Variants in SH3GL2 observed in about 807,000 individuals in gnomAD.
SH3GL2 encodes SH3 domain containing GRB2 like 2, endophilin A1.
SH3GL2 carries 24 observed loss-of-function variants against 46.0 expected under a neutral mutation model. The ratio of observed to expected loss-of-function variants is 0.52; its 90% CI spans 0.38 to 0.73. SH3GL2 has a LOEUF of 0.73. Ranked by LOEUF, SH3GL2 falls within the 30% of genes least tolerant of loss-of-function variation. The pLI, the probability that SH3GL2 is intolerant of heterozygous loss-of-function variation, is 0.00. For missense variants in SH3GL2, 413 were observed against 424.2 expected (o/e 0.97, Z 0.23); for synonymous variants, 196 against 147.1 (o/e 1.33, Z -2.40).
chr9:17,659,613 C>G (rs571669893), intron 1 of SH3GL2, among the ~76,000 whole-genome samples: 3 of 152,144 alleles, frequency 2.0e-5, no homozygotes, highest in Admixed American at 6.5e-5. Context: ...CTTACACGCT[C>G]TCTGGAATTT....
chr9:17,639,257 GGGGAACAA>G (rs1819616475), intron 1 of SH3GL2, among the ~76,000 whole-genome samples: 2 of 152,104 alleles, frequency 1.3e-5, no homozygotes, highest in South Asian at 4.2e-4. Context: ...GATAGATCTG[GGGGAACAA>G]GGCAAGTCAT....
intron 1 of SH3GL2, among the ~76,000 whole-genome samples, chr9:17,608,231 TCTGCCTCCCAGGTTCACGCCATTCTC>T (rs1818796094): frequency 7.0e-6 from 1 of 141,864 alleles, no homozygotes; most frequent in Non-Finnish European, 1.5e-5. Flanking sequence ...CACTGCAAGC[TCTGCCTCCCAGGTTCACGCCATTCTC>T]CTGCCTCAGC....
intron 1 of SH3GL2, among the ~76,000 whole-genome samples, chr9:17,670,136 A>C (rs1402122448): frequency 6.6e-6 from 1 of 151,992 alleles, no homozygotes; most frequent in East Asian, 1.9e-4. Flanking sequence ...CATGTTGCTT[A>C]TTTCTTTCTT....
At chr9:17,613,810 A>T (rs1563781842) in intron 1 of SH3GL2, among the ~76,000 whole-genome samples, 1 of 152,184 alleles carries the variant, frequency 6.6e-6, no homozygotes, top group Non-Finnish European at 1.5e-5. Context: ...ACATTTGGAA[A>T]TTCTTATTCT....
chr9:17,648,869 C>T (rs1384540929), intron 1 of SH3GL2, among the ~76,000 whole-genome samples: 3 of 152,114 alleles, frequency 2.0e-5, no homozygotes, highest in African/African-American at 4.8e-5. Flanking sequence ...AACCTAGAAA[C>T]AAAGTTCTGT....
At chr9:17,667,517 T>C (rs1820376953) in intron 1 of SH3GL2, among the ~76,000 whole-genome samples, 1 of 152,218 alleles carries the variant, frequency 6.6e-6, no homozygotes, top group Non-Finnish European at 1.5e-5. Flanking sequence ...CAACATTTGT[T>C]TTTATGGCAG....
At chr9:17,773,513 C>A (rs1823552725) in intron 3 of SH3GL2, among the ~76,000 whole-genome samples, 1 of 152,030 alleles carries the variant, frequency 6.6e-6, no homozygotes, top group South Asian at 2.1e-4. Context: ...GGTCCAAATT[C>A]ATTTTTTTGC....
rs1049430 is a variant in SH3GL2 at position 17,796,670 on chromosome 9, T to G, written c.*927T>G. On this transcript the variant is annotated 3_prime_UTR_variant, in exon 9 of 9. Transcript: ENST00000380607. ...GTAACCATCTTTCCACTAGTTCATA[T>G]ACTGAGAAACAGTAAATACCTTTCC... The G allele has an allele frequency of 0.62, 94,355 of 152,522 alleles. 29,764 individuals carry two copies. Among genetic ancestry groups the G allele is most frequent in the East Asian group, 0.88 (4,542 of 5,184 alleles). 9.4% of individuals were successfully genotyped at this position (152,522 alleles called of 1,614,324 possible). A position where few individuals can be genotyped will look rare whatever the true frequency, so the allele number is the denominator to read the frequency against.
At chr9:17,662,413 G>A (rs10963190) in intron 1 of SH3GL2, among the ~76,000 whole-genome samples, 41,538 of 152,062 alleles carry the variant, frequency 0.27, 6,855 homozygotes, top group East Asian at 0.5. Context: ...GATTTCCCAT[G>A]AATTCAGTAG....
At chr9:17,734,787 A>T (rs1039775208) in intron 1 of SH3GL2, among the ~76,000 whole-genome samples, 1 of 152,228 alleles carries the variant, frequency 6.6e-6, no homozygotes, top group East Asian at 1.9e-4. Flanking sequence ...GTGGTTACCA[A>T]GGTTGGAATG....
chr9:17,716,081 T>C (rs1221682763), intron 1 of SH3GL2, among the ~76,000 whole-genome samples: 1 of 152,070 alleles, frequency 6.6e-6, no homozygotes, highest in Non-Finnish European at 1.5e-5. Context: ...TGTATGTATA[T>C]ATTCTACATC....
chr9:17,650,307 G>A (rs978406946), intron 1 of SH3GL2, among the ~76,000 whole-genome samples: 3 of 152,174 alleles, frequency 2.0e-5, no homozygotes, highest in Admixed American at 6.5e-5. Flanking sequence ...TCTTTCTCAA[G>A]CCTTAATAAT....
chr9:17,747,827 C>G (rs1307427598), intron 2 of SH3GL2, among the ~76,000 whole-genome samples: 1 of 152,010 alleles, frequency 6.6e-6, no homozygotes, highest in Non-Finnish European at 1.5e-5. Context: ...GCACGCACCA[C>G]CACGTCTGGC....
intron 1 of SH3GL2, among the ~76,000 whole-genome samples, chr9:17,721,954 G>A (rs916127096): frequency 3.3e-5 from 5 of 152,086 alleles, no homozygotes; most frequent in East Asian, 1.9e-4. Context: ...GGAGGTGTCC[G>A]CAGTGAGGTG....
chr9:17,588,237 T>C (rs1397736314), intron 1 of SH3GL2, among the ~76,000 whole-genome samples: 2 of 152,036 alleles, frequency 1.3e-5, no homozygotes, highest in African/African-American at 4.8e-5. Flanking sequence ...TGGGAGATGT[T>C]CATAAGCCAG....
Position 17,666,578 on chromosome 9 carries a change from G to GTGTGTATA in SH3GL2, c.46-80487_46-80486insGTGTATAT, listed in dbSNP as rs144961549. Among the ~76,000 whole-genome samples the GTGTGTATA allele has an allele frequency of 6.7e-3, 999 of 148,212 alleles. 8 individuals carry two copies. The highest frequency in any genetic ancestry group is 0.033 in the East Asian group (165 of 4,966). The stretch of plus-strand genomic sequence containing the variant: ...TGTGTGTGTGTGTGTGTGTGTGTGT[G>GTGTGTATA]TATATACATTAAGTTTGCTTTTTTC... On this transcript the variant is annotated intron_variant, in intron 1 of 8. Coordinates refer to ENST00000380607, the MANE Select transcript of SH3GL2 (RefSeq NM_003026.5).
At chr9:17,719,676 C>T (rs1193965227) in intron 1 of SH3GL2, among the ~76,000 whole-genome samples, 1 of 151,572 alleles carries the variant, frequency 6.6e-6, no homozygotes, top group African/African-American at 2.4e-5. Context: ...ACCTGTGGTC[C>T]TGGCTATTTG....
At chr9:17,752,746 C>G (rs7859234) in intron 2 of SH3GL2, among the ~76,000 whole-genome samples, 108,489 of 152,048 alleles carry the variant, frequency 0.71, 39,113 homozygotes, top group East Asian at 0.82. Context: ...TACACGTGCA[C>G]GTTTGTTACA....
chr9:17,681,896 A>G (rs1820778707), intron 1 of SH3GL2, among the ~76,000 whole-genome samples: 1 of 152,242 alleles, frequency 6.6e-6, no homozygotes, highest in South Asian at 2.1e-4. Flanking sequence ...GGATATGAAC[A>G]GACACTTCTC....
Sources: gnomAD v4.1 joint callset for allele counts (sites outside exome capture counted in the v4.1 genomes callset) on GRCh38, gnomAD v4.1.1 for gene constraint, MANE v1.5 for transcripts, NCBI Gene and HGNC (gene_info 2026-07-23, HGNC 2026-07-21) for gene names.